DLG2: variants seen among roughly 807,000 people sequenced by gnomAD.
The protein encoded by DLG2 is discs large MAGUK scaffold protein 2.
DLG2 carries 45 observed loss-of-function variants against 132.5 expected under a neutral mutation model. The observed-to-expected ratio is 0.34, with a 90% CI of 0.27 to 0.44. The LOEUF (loss-of-function observed/expected upper bound fraction) is 0.44, where lower values mean the gene tolerates loss of function less well. DLG2 is among the 20% of genes least tolerant of loss of function. DLG2 has a pLI of 1.00. For missense variants in DLG2, 1,045 were observed against 1,196.9 expected, an observed-to-expected ratio of 0.87 and a Z score of 1.87; for synonymous variants, 424 against 419.6, an observed-to-expected ratio of 1.01 and a Z score of -0.13.
At chr11:85,072,004 A>T (rs2065922726) in intron 6 of DLG2, among the ~76,000 whole-genome samples, 1 of 151,862 alleles carries the variant, frequency 6.6e-6, no homozygotes, top group South Asian at 2.1e-4. Flanking sequence ...ATGAGAACGC[A>T]TTTAATCTTA....
At chr11:84,639,807 T>C (rs1409417667) in intron 6 of DLG2, among the ~76,000 whole-genome samples, 2 of 152,106 alleles carry the variant, frequency 1.3e-5, no homozygotes, top group Non-Finnish European at 2.9e-5. Flanking sequence ...TTCCTTCCTA[T>C]GCTCAGTGTA....
intron 3 of DLG2, among the ~76,000 whole-genome samples, chr11:85,594,987 A>T (rs928928182): frequency 6.7e-6 from 1 of 150,198 alleles, no homozygotes; most frequent in African/African-American, 2.5e-5. Flanking sequence ...AATCGCTTGA[A>T]CCAGGAGGCA....
chr11:84,089,517 G>A (rs1252909928), intron 10 of DLG2, among the ~76,000 whole-genome samples: 2 of 152,098 alleles, frequency 1.3e-5, no homozygotes, highest in Non-Finnish European at 2.9e-5. Context: ...ACAGCCAAAG[G>A]ACAACGTTGT....
intron 8 of DLG2, among the ~76,000 whole-genome samples, chr11:84,212,399 A>C (rs1463537135): frequency 6.6e-6 from 1 of 152,202 alleles, no homozygotes; most frequent in Non-Finnish European, 1.5e-5. Context: ...ATAAAATTAC[A>C]AAAACACAAT....
intron 6 of DLG2, among the ~76,000 whole-genome samples, chr11:84,715,595 A>G (rs1174309488): frequency 1.3e-5 from 2 of 151,926 alleles, no homozygotes; most frequent in African/African-American, 4.8e-5. Flanking sequence ...CTTTTTTTTT[A>G]CATTCCACAT....
chr11:85,045,239 C>A (rs2062227312), intron 6 of DLG2, among the ~76,000 whole-genome samples: 1 of 151,922 alleles, frequency 6.6e-6, no homozygotes, highest in African/African-American at 2.4e-5. Context: ...CTGCCTATGT[C>A]CAAGGTTTAG....
chr11:84,954,987 C>T (rs2051449856), intron 6 of DLG2, among the ~76,000 whole-genome samples: 1 of 152,182 alleles, frequency 6.6e-6, no homozygotes, highest in African/African-American at 2.4e-5. Flanking sequence ...TAACCTCTAT[C>T]ACAATTACCC....
At chr11:85,022,424 A>G (rs991552929) in intron 6 of DLG2, among the ~76,000 whole-genome samples, 2 of 152,100 alleles carry the variant, frequency 1.3e-5, no homozygotes, top group Admixed American at 1.3e-4. Flanking sequence ...CACAAATACA[A>G]AGAAAGTATT....
chr11:85,196,109 G>T (rs937411992), intron 4 of DLG2, among the ~76,000 whole-genome samples: 1 of 152,040 alleles, frequency 6.6e-6, no homozygotes, highest in Non-Finnish European at 1.5e-5. Context: ...TTATACTTAG[G>T]GAAACAAAGC....
At chr11:83,658,537 C>A (rs2073367398) in intron 18 of DLG2, among the ~76,000 whole-genome samples, 1 of 152,218 alleles carries the variant, frequency 6.6e-6, no homozygotes, top group South Asian at 2.1e-4. Flanking sequence ...ATTTGACTTT[C>A]ATTTTTTTAT....
chr11:84,514,722 T>A (rs952254533), intron 7 of DLG2, among the ~76,000 whole-genome samples: 2 of 151,774 alleles, frequency 1.3e-5, no homozygotes, highest in Non-Finnish European at 2.9e-5. Context: ...CAAAGTTGTA[T>A]AGTTAGAGTG....
intron 15 of DLG2, among the ~76,000 whole-genome samples, chr11:83,923,482 C>T (rs1205526858): frequency 6.6e-6 from 1 of 152,146 alleles, no homozygotes; most frequent in Non-Finnish European, 1.5e-5. Context: ...TCTGTGACTT[C>T]ACCTTGCCAC....
At position 84,703,870 on chromosome 11, in the gene DLG2, A is replaced by ATATATATATG. The variant is rs1555174847; in HGVS notation, c.358-169140_358-169139insCATATATATA. 2.9e-4 allele frequency among the ~76,000 whole-genome samples: 35 copies of ATATATATATG among 122,764 alleles called. 2 individuals carry two copies. Among genetic ancestry groups the ATATATATATG allele is most frequent in the African/African-American group, 1.4e-3 (35 of 25,126 alleles). 80.5% of individuals were successfully genotyped at this position (122,764 alleles called of 152,430 possible). On this transcript the variant is annotated intron_variant, in intron 6 of 27. Coordinates refer to ENST00000376104, the MANE Select transcript of DLG2 (RefSeq NM_001142699.3). ...CTATGTAGTGAAGATATATATATAT[A>ATATATATATG]TATATATATATATACACGTGTGTGT...
intron 5 of DLG2, among the ~76,000 whole-genome samples, chr11:85,147,516 T>A (rs1325720730): frequency 6.6e-6 from 1 of 152,232 alleles, no homozygotes; most frequent in Non-Finnish European, 1.5e-5. Context: ...GTATAAGTTC[T>A]TTATAAATTT....
chr11:85,370,018 T>C (rs1489743015), intron 3 of DLG2, among the ~76,000 whole-genome samples: 1 of 152,254 alleles, frequency 6.6e-6, no homozygotes, highest in Non-Finnish European at 1.5e-5. Context: ...GCAGGTCAGA[T>C]GCAAGGTTTG....
chr11:84,706,786 C>T (rs2059826370), intron 6 of DLG2, among the ~76,000 whole-genome samples: 1 of 151,684 alleles, frequency 6.6e-6, no homozygotes, highest in African/African-American at 2.4e-5. Flanking sequence ...TCTTACTTTG[C>T]TACAAATTTC....
intron 3 of DLG2, among the ~76,000 whole-genome samples, chr11:85,541,881 C>T (rs1482365919): frequency 1.3e-5 from 2 of 152,088 alleles, no homozygotes; most frequent in African/African-American, 4.8e-5. Context: ...GAATTTAATT[C>T]AAATGCAAAT....
intron 6 of DLG2, among the ~76,000 whole-genome samples, chr11:84,854,552 T>A (rs2082538698): frequency 6.6e-6 from 1 of 152,010 alleles, no homozygotes; most frequent in Non-Finnish European, 1.5e-5. Flanking sequence ...TCTTCTATTT[T>A]CATGAAGCCA....
chr11:83,962,786 G>A, intron 14 of DLG2, 99 bp downstream of exon 14: 2 of 1,444,606 alleles, frequency 1.4e-6, no homozygotes, highest in Non-Finnish European at 1.9e-6. Flanking sequence ...GGACCCAGAA[G>A]CTTTAGTTAG....
Sources: gnomAD v4.1 joint callset for allele counts (sites outside exome capture counted in the v4.1 genomes callset) on GRCh38, gnomAD v4.1.1 for gene constraint, MANE v1.5 for transcripts, NCBI Gene and HGNC (gene_info 2026-07-23, HGNC 2026-07-21) for gene names.